The following TECR variants were observed in gnomAD, a reference collection of about 807,000 sequenced individuals.
The protein encoded by TECR is trans-2,3-enoyl-CoA reductase, also known as very-long-chain enoyl-CoA reductase.
Under a neutral mutation model 50.6 loss-of-function variants are expected in TECR, and 19 were observed. That is an observed-to-expected ratio of 0.38 (90% CI 0.26 to 0.55). The LOEUF is 0.55. Ranked by LOEUF, TECR falls within the 20% of genes least tolerant of loss-of-function variation. TECR has a pLI of 0.79. For synonymous variants in TECR, 168 were observed against 163.5 expected, an observed-to-expected ratio of 1.03 and a Z score of -0.21; for missense variants, 313 against 408.3, an observed-to-expected ratio of 0.77 and a Z score of 2.01.
In TECR at chr19:14,564,953, C is replaced by T. The variant is rs752246440; in HGVS notation, c.567C>T (p.Tyr189=). Residue 189 remains tyrosine (Y), a synonymous_variant, in exon 9 of 13, where the codon TAC becomes TAT. Coordinates refer to ENST00000215567, the MANE Select transcript of TECR (RefSeq NM_138501.6). Reference sequence around the variant, plus strand: ...CCCTCCCTGCTTCCTCTTCAGCCTACGGAGCTCAGCAGGTGAAACTGGCGC... The same window carrying T: ...CCCTCCCTGCTTCCTCTTCAGCCTATGGAGCTCAGCAGGTGAAACTGGCGC... ...INHPLYTPPT[Y]GAQQVKLALA... is the part of the protein sequence containing the mutation. 4.3e-6 allele frequency: 7 copies of T among 1,614,078 alleles called. No individual in the cohort carries two copies. The South Asian group carries it at 6.6e-5, about 15-fold the overall frequency.
intron 1 of TECR, among the ~76,000 whole-genome samples, chr19:14,538,166 C>G (rs2072971281): frequency 6.6e-6 from 1 of 152,200 alleles, no homozygotes; most frequent in Non-Finnish European, 1.5e-5. Flanking sequence ...AGCGACTTGT[C>G]CACAGCTAGT....
chr19:14,535,574 ATATATATATATATATGTATGTATATAT>A (rs2072863975), intron 1 of TECR, among the ~76,000 whole-genome samples: 2 of 36,430 alleles, frequency 5.5e-5, no homozygotes, highest in East Asian at 6.7e-4. Flanking sequence ...ATATATATAT[ATATATATATATATATGTATGTATATAT>A]AAATTAGCCA....
intron 1 of TECR, among the ~76,000 whole-genome samples, chr19:14,548,111 C>T (rs1294559475): frequency 1.3e-5 from 2 of 151,872 alleles, no homozygotes; most frequent in Non-Finnish European, 2.9e-5. Context: ...TACAGGCGCC[C>T]ACCACCATGC....
At chr19:14,553,190 CGCTCGGGGCTCT>C (rs2073598352) in intron 1 of TECR, among the ~76,000 whole-genome samples, 1 of 152,292 alleles carries the variant, frequency 6.6e-6, no homozygotes, top group Admixed American at 6.5e-5. Context: ...GCTACCTGCT[CGCTCGGGGCTCT>C]GCTGGATGGG....
intron 6 of TECR, 32 bp from the exon 7 acceptor site, chr19:14,564,150 C>G: frequency 6.2e-7 from 1 of 1,606,128 alleles, no homozygotes; most frequent in South Asian, 1.1e-5. Flanking sequence ...CCTGCCGGAC[C>G]AGCCCCAGCT....
chr19:14,529,884 G>A, intron 1 of TECR, 173 bp downstream of exon 1: 1 of 882,916 alleles, frequency 1.1e-6, no homozygotes, highest in Non-Finnish European at 1.8e-6. Context: ...CAATGCGCAT[G>A]TGCGCAGGAA....
At chr19:14,559,786 CA>C (rs5827240) in intron 1 of TECR, among the ~76,000 whole-genome samples, 80,427 of 138,908 alleles carry the variant, frequency 0.58, 22,723 homozygotes, top group African/African-American at 0.71. Flanking sequence ...GACTCTGTCT[CA>C]AAAAAAAAAA....
At chr19:14,529,310 C>T (rs997311074), upstream of TECR, 9 of 402,548 alleles carry the variant, frequency 2.2e-5, no homozygotes, top group Admixed American at 2.9e-4. Context: ...CCGTCGCTTA[C>T]CTTGGTTTCC....
intron 1 of TECR, chr19:14,529,924 T>G: frequency 1.5e-6 from 1 of 678,262 alleles, no homozygotes; most frequent in South Asian, 1.8e-5. Flanking sequence ...CCAGGCTGTT[T>G]TGGGGGTACT....
chr19:14,534,004 A>G (rs1350608473), intron 1 of TECR: 1 of 152,152 alleles, frequency 6.6e-6, no homozygotes, highest in African/African-American at 2.4e-5. Flanking sequence ...GAGCCTGTTA[A>G]TTCCTGAGAA....
chr19:14,554,762 T>G (rs1407860826), intron 1 of TECR, among the ~76,000 whole-genome samples: 1 of 151,860 alleles, frequency 6.6e-6, no homozygotes, highest in African/African-American at 2.4e-5. Context: ...TGTCCAGAAT[T>G]TCACTGCTTG....
intron 1 of TECR, among the ~76,000 whole-genome samples, chr19:14,535,451 G>A (rs866599577): frequency 9.7e-5 from 13 of 133,754 alleles, no homozygotes; most frequent in South Asian, 5.0e-4. Context: ...AGCTTGCAGT[G>A]AGCCGAGATC....
chr19:14,560,134 G>A (rs142652045), intron 1 of TECR, among the ~76,000 whole-genome samples: 167 of 152,270 alleles, frequency 1.1e-3, no homozygotes, highest in African/African-American at 3.4e-3. Context: ...CCCTCCTGCC[G>A]CAGCCCGGCG....
intron 1 of TECR, chr19:14,536,655 C>CT (rs2072909247): frequency 6.6e-6 from 1 of 152,136 alleles, no homozygotes; most frequent in African/African-American, 2.4e-5. Flanking sequence ...CTTCCCAACT[C>CT]TGTGTTCAGG....
At chr19:14,560,789 C>A (rs1416401754) in intron 1 of TECR, among the ~76,000 whole-genome samples, 2 of 152,184 alleles carry the variant, frequency 1.3e-5, no homozygotes, top group African/African-American at 4.8e-5. Context: ...GGAAATAGGC[C>A]CCCATGCTGT....
At chr19:14,550,538 C>T (rs1225925135) in intron 1 of TECR, among the ~76,000 whole-genome samples, 7 of 152,108 alleles carry the variant, frequency 4.6e-5, no homozygotes, top group African/African-American at 9.7e-5. Context: ...ACCCAGGTGT[C>T]GTCCCCAACT....
At chr19:14,562,598 A>G in intron 2 of TECR, 23 bp downstream of exon 2, 2 of 1,613,996 alleles carry the variant, frequency 1.2e-6, no homozygotes, top group Non-Finnish European at 1.7e-6. Flanking sequence ...CGTGGGCTGC[A>G]CTGGGCCAAG....
At chr19:14,557,850 G>A (rs951619840) in intron 1 of TECR, among the ~76,000 whole-genome samples, 5 of 151,896 alleles carry the variant, frequency 3.3e-5, no homozygotes, top group African/African-American at 1.2e-4. Context: ...CTGCCTCCCG[G>A]GTTCGCGCCA....
chr19:14,564,673 G>T, intron 7 of TECR, 113 bp from the exon 8 acceptor site: 8 of 819,918 alleles, frequency 9.8e-6, no homozygotes, highest in Non-Finnish European at 1.5e-5. Flanking sequence ...CCCGCCCCAA[G>T]GCCCCTCCTG....
Sources: allele counts gnomAD v4.1 joint callset (sites outside exome capture counted in the v4.1 genomes callset), GRCh38; gene constraint gnomAD v4.1.1; transcripts MANE v1.5; gene names NCBI Gene and HGNC (gene_info 2026-07-23, HGNC 2026-07-21).